PHF20L1: variants seen among roughly 807,000 people sequenced by gnomAD.
The protein encoded by PHF20L1 is PHD finger protein 20-like protein 1.
In PHF20L1, 44 loss-of-function variants were observed where a neutral mutation model predicts 125.5. The observed-to-expected ratio is 0.35, with a 90% CI of 0.28 to 0.45. PHF20L1 has a LOEUF of 0.45. Among genes scored for constraint, PHF20L1 ranks in the 20% least tolerant of loss-of-function variants. The pLI is 1.00. For missense variants in PHF20L1, 1,012 were observed against 1,217.2 expected (o/e 0.83, Z 2.51); for synonymous variants, 380 against 403.1 (o/e 0.94, Z 0.69).
intron 9 of PHF20L1, chr8:132,813,299 A>G (rs1244300294): frequency 6.1e-6 from 1 of 163,800 alleles, no homozygotes; most frequent in Non-Finnish European, 1.3e-5. Flanking sequence ...ATACACATTT[A>G]TAATGAGTAA....
At chr8:132,821,644 CCT>C (rs1165061716) in intron 12 of PHF20L1, among the ~76,000 whole-genome samples, 1 of 151,872 alleles carries the variant, frequency 6.6e-6, no homozygotes, top group African/African-American at 2.4e-5. Context: ...TCAGGGATTG[CCT>C]CTCTTTTTAG....
chr8:132,823,311 G>T (rs912842242), intron 12 of PHF20L1, among the ~76,000 whole-genome samples: 3 of 151,960 alleles, frequency 2.0e-5, no homozygotes, highest in Non-Finnish European at 2.9e-5. Flanking sequence ...AATGTGTACA[G>T]ATTGTTGAAA....
At chr8:132,803,209 A>G (rs1049708875) in intron 6 of PHF20L1, among the ~76,000 whole-genome samples, 2 of 151,800 alleles carry the variant, frequency 1.3e-5, no homozygotes, top group Non-Finnish European at 1.5e-5. Flanking sequence ...ACCTTGGTCA[A>G]TGGAGCTCTT....
Position 132,837,773 on chromosome 8 carries a change from C to T in PHF20L1, c.2153C>T (p.Pro718Leu). 1 of 1,612,964 alleles carries T rather than the reference C, an allele frequency of 6.2e-7. No individual in the cohort carries two copies. The highest frequency in any genetic ancestry group is 2.2e-5 in the East Asian group (1 of 44,838). The stretch of plus-strand genomic sequence containing the variant: ...ATGGGGCTGCTGGAGGAGAGCATTC[C>T]AGAGCAGTACATCTGCTATATCTGC... ...VCMGLLEESI[P>L]EQYICYICRD... The change falls in exon 17 of 21, where the codon CCA (proline) becomes CTA (leucine). Residue 718 changes from proline to leucine, a missense_variant. Pro to Leu is a moderately conservative substitution (Grantham distance 98, BLOSUM62 -3). This residue lies in a region of PHF20L1 where 55 missense variants were observed against 114.8 expected (regional missense o/e 0.48). Coordinates refer to ENST00000395386, the MANE Select transcript of PHF20L1 (RefSeq NM_016018.5).
In PHF20L1 at chr8:132,839,539, A is replaced by G. The variant is rs754055732; in HGVS notation, c.2344A>G (p.Thr782Ala). Residue 782 changes from threonine (T) to alanine (A), a missense_variant, in exon 18 of 21, where the codon ACA (threonine) becomes GCA (alanine). Thr to Ala is a moderately conservative substitution (Grantham distance 58). Transcript: ENST00000395386. ...HHLLADVYGVTEVLHGLQLKI... is the reference protein window; with the variant it reads ...HHLLADVYGVAEVLHGLQLKI... ...CCTGCTTGCTGATGTCTATGGTGTT[A>G]CAGAAGTGCTACACGGGCTACAGCT... The G allele has an allele frequency of 6.2e-7, 1 of 1,613,476 alleles. No homozygotes were observed.
chr8:132,796,513 T>C (rs757214949), intron 4 of PHF20L1, among the ~76,000 whole-genome samples: 30 of 152,134 alleles, frequency 2.0e-4, no homozygotes, highest in Admixed American at 3.3e-4. Context: ...TAGCTAGAAA[T>C]CATGATATAA....
At chr8:132,837,682 G>C in intron 16 of PHF20L1, 30 bp from the exon 17 acceptor site, 1 of 1,537,502 alleles carries the variant, frequency 6.5e-7, no homozygotes, top group Non-Finnish European at 9.0e-7. Flanking sequence ...TGAGGATCGG[G>C]TGACTGTAAT....
At chr8:132,843,195 G>A in intron 19 of PHF20L1, 2 of 1,037,242 alleles carry the variant, frequency 1.9e-6, no homozygotes, top group Non-Finnish European at 1.2e-6. Flanking sequence ...GTGTAAGAAT[G>A]TGAAAGTACA....
intron 8 of PHF20L1, chr8:132,807,920 C>A: frequency 3.3e-6 from 1 of 301,042 alleles, no homozygotes; most frequent in Non-Finnish European, 6.5e-6. Context: ...GTTAGTAATA[C>A]ATAGGTAATT....
chr8:132,776,147 T>C (rs974757509), intron 1 of PHF20L1, among the ~76,000 whole-genome samples: 13 of 152,236 alleles, frequency 8.5e-5, no homozygotes, highest in Non-Finnish European at 2.9e-5. Flanking sequence ...CCCAGTAGAC[T>C]GTCTTACTTT....
At chr8:132,845,608 TG>T (rs1390637826) in intron 20 of PHF20L1, among the ~76,000 whole-genome samples, 172 bp from the exon 21 acceptor site, 1 of 151,958 alleles carries the variant, frequency 6.6e-6, no homozygotes, top group Non-Finnish European at 1.5e-5. Context: ...TAGAACTCTG[TG>T]GGGTGGGATG....
At chr8:132,801,967 C>T (rs2956368) in intron 6 of PHF20L1, among the ~76,000 whole-genome samples, 9 of 151,588 alleles carry the variant, frequency 5.9e-5, no homozygotes, top group Non-Finnish European at 1.0e-4. Context: ...CTGACATTTT[C>T]TAGCAACTCT....
intron 6 of PHF20L1, among the ~76,000 whole-genome samples, chr8:132,802,128 T>A (rs2131545582): frequency 6.9e-6 from 1 of 145,856 alleles, no homozygotes; most frequent in African/African-American, 2.6e-5. Context: ...ACTTTGTTGA[T>A]TGTTCTCTCT....
intron 14 of PHF20L1, among the ~76,000 whole-genome samples, chr8:132,828,884 A>T (rs1836478849): frequency 6.6e-6 from 1 of 152,090 alleles, no homozygotes; most frequent in African/African-American, 2.4e-5. Flanking sequence ...GATTCCTTCG[A>T]GGAGCTTGTA....
intron 19 of PHF20L1, chr8:132,843,881 A>G: frequency 2.0e-6 from 2 of 985,332 alleles, no homozygotes; most frequent in Non-Finnish European, 2.4e-6. Flanking sequence ...ACACAATAGA[A>G]TTAGTGACTT....
At chr8:132,840,443 G>T (rs1375733196) in intron 18 of PHF20L1, among the ~76,000 whole-genome samples, 1 of 152,066 alleles carries the variant, frequency 6.6e-6, no homozygotes, top group Non-Finnish European at 1.5e-5. Context: ...TACTCTATCA[G>T]TTCATTCTTT....
At chr8:132,812,350 G>T (rs1403781346) in intron 9 of PHF20L1, 3 of 983,812 alleles carry the variant, frequency 3.0e-6, no homozygotes, top group Non-Finnish European at 3.6e-6. Flanking sequence ...GCACAATCCT[G>T]CTGAGGTGAA....
At chr8:132,795,691 A>G (rs1294544281) in intron 4 of PHF20L1, among the ~76,000 whole-genome samples, 2 of 152,086 alleles carry the variant, frequency 1.3e-5, no homozygotes, top group Non-Finnish European at 2.9e-5. Context: ...CGGGGGATAC[A>G]TTCCAAGACC....
chr8:132,776,120 T>C lies in PHF20L1; in HGVS notation c.-38+475T>C, dbSNP rs568277157. On this transcript the variant is annotated intron_variant, in intron 1 of 20. Transcript: ENST00000395386. ...CCTCTCCGTGCTTTCTGCCTTGTTT[T>C]TGCTTCAAGTTTTACTCCCAGTAGA... Among the ~76,000 whole-genome samples the C allele has an allele frequency of 1.8e-4, 27 of 152,346 alleles. No individual in the cohort carries two copies. In the South Asian group the frequency reaches 5.6e-3, roughly 32 times the overall value.
Sources: allele counts gnomAD v4.1 joint callset (sites outside exome capture counted in the v4.1 genomes callset), GRCh38; gene constraint gnomAD v4.1.1; regional missense constraint gnomAD v4.1.1; transcripts MANE v1.5; gene names NCBI Gene and HGNC (gene_info 2026-07-23, HGNC 2026-07-21).